NXN: variants seen among roughly 807,000 people sequenced by gnomAD.
NXN encodes nucleoredoxin 1.
A neutral mutation model predicts 48.6 loss-of-function variants in NXN; 16 were observed. The ratio of observed to expected loss-of-function variants is 0.33; its 90% CI spans 0.22 to 0.50. The LOEUF is 0.50. Ranked by LOEUF, NXN falls within the 20% of genes least tolerant of loss-of-function variation. NXN has a pLI of 0.98. For synonymous variants in NXN, 281 were observed against 269.6 expected, an observed-to-expected ratio of 1.04 and a Z score of -0.41; for missense variants, 492 against 605.5, an observed-to-expected ratio of 0.81 and a Z score of 1.97.
At chr17:955,753 T>C (rs1181805248) in intron 1 of NXN, among the ~76,000 whole-genome samples, 1 of 150,716 alleles carries the variant, frequency 6.6e-6, no homozygotes, top group Non-Finnish European at 1.5e-5. Flanking sequence ...ACAAAAAAAA[T>C]TAGCCGGGCG....
intron 1 of NXN, among the ~76,000 whole-genome samples, chr17:902,952 G>A (rs2068550587): frequency 6.6e-6 from 1 of 151,336 alleles, no homozygotes; most frequent in Non-Finnish European, 1.5e-5. Context: ...TATATTTTTA[G>A]TAGAGATGGG....
intron 1 of NXN, among the ~76,000 whole-genome samples, chr17:960,899 C>T (rs1183612886): frequency 6.6e-6 from 1 of 151,834 alleles, no homozygotes; most frequent in Non-Finnish European, 1.5e-5. Context: ...GATTCTCCTG[C>T]CTCAGCTCCT....
intron 7 of NXN, among the ~76,000 whole-genome samples, chr17:803,038 G>A (rs559223073): frequency 6.6e-6 from 1 of 152,314 alleles, no homozygotes; most frequent in African/African-American, 2.4e-5. Flanking sequence ...CTGAGTCGCG[G>A]AGACGCCCGT....
intron 1 of NXN, among the ~76,000 whole-genome samples, chr17:834,918 G>A (rs371232429): frequency 2.9e-4 from 44 of 150,334 alleles, no homozygotes; most frequent in African/African-American, 9.8e-4. Flanking sequence ...GATGACAGGC[G>A]TGAGCCACCA....
chr17:861,864 C>G (rs914090945), intron 1 of NXN, among the ~76,000 whole-genome samples: 1 of 151,416 alleles, frequency 6.6e-6, no homozygotes, highest in Non-Finnish European at 1.5e-5. Context: ...CAGTCTTGCT[C>G]TGTCGCCCAG....
At chr17:924,734 GTT>G (rs1304058838) in intron 1 of NXN, among the ~76,000 whole-genome samples, 6 of 120,808 alleles carry the variant, frequency 5.0e-5, no homozygotes, top group Non-Finnish European at 9.0e-5. Context: ...GTTCCGTTCC[GTT>G]CCCCTGCTCC....
intron 1 of NXN, among the ~76,000 whole-genome samples, chr17:931,229 G>T (rs1036669089): frequency 1.3e-5 from 2 of 151,152 alleles, no homozygotes; most frequent in Admixed American, 6.6e-5. Context: ...CGAGGCTGCA[G>T]TGAGCTGAGA....
chr17:841,404 TC>T (rs1418109226), intron 1 of NXN, among the ~76,000 whole-genome samples: 2 of 122,438 alleles, frequency 1.6e-5, no homozygotes, highest in Non-Finnish European at 3.9e-5. Flanking sequence ...GGCGAGCAGG[TC>T]CCCCCTGACC....
intron 1 of NXN, among the ~76,000 whole-genome samples, chr17:835,075 G>C (rs551727989): frequency 6.6e-6 from 1 of 151,522 alleles, no homozygotes. Flanking sequence ...TTGGGAGGCC[G>C]AGGCGGGCGG....
intron 1 of NXN, among the ~76,000 whole-genome samples, chr17:947,672 G>T (rs2069058909): frequency 6.7e-6 from 1 of 149,032 alleles, no homozygotes; most frequent in African/African-American, 2.5e-5. Context: ...GGCAGGGGTT[G>T]CAGTGAGCCG....
chr17:822,433 G>C lies in NXN; in HGVS notation c.637C>G (p.Arg213Gly). 3 of 1,614,010 alleles carry C rather than the reference G, an allele frequency of 1.9e-6. No homozygotes were observed. Among genetic ancestry groups the C allele is most frequent in the Non-Finnish European group, 2.5e-6 (3 of 1,179,966 alleles). Reference protein sequence around the residue: ...HWCPPCRSLTRVLVESYRKIK... With the variant: ...HWCPPCRSLTGVLVESYRKIK... Reference sequence around the variant, plus strand: ...TTCCGGTAGGATTCCACCAGGACCCGGGTGAGGCTTCGGCAGGGCGGACAC... The same window carrying C: ...TTCCGGTAGGATTCCACCAGGACCCCGGTGAGGCTTCGGCAGGGCGGACAC... Residue 213 changes from arginine (R) to glycine (G), a missense_variant, in exon 4 of 8, where the codon CGG becomes GGG. By Grantham distance (125) the Arg-to-Gly change is moderately radical. Transcript: ENST00000336868.
chr17:830,714 T>C lies in NXN; in HGVS notation c.361-4636A>G, dbSNP rs1913408787. Among the ~76,000 whole-genome samples, 1 of 152,026 alleles carries C rather than the reference T, an allele frequency of 6.6e-6. No homozygotes were observed. The highest frequency in any genetic ancestry group is 1.5e-5 in the Non-Finnish European group (1 of 67,980). On this transcript the variant is annotated intron_variant, in intron 1 of 7. Transcript: ENST00000336868. The surrounding 1 kb of genome is among the most constrained non-coding windows in gnomAD (Gnocchi z 4.2). ...ACCTGATTCACAGTTTAAAAGGCCA[T>C]TTGGGGCCGGGCACGATGGCTCACG...
At position 917,868 on chromosome 17, in the gene NXN, G is replaced by C. The variant is rs568191415; in HGVS notation, c.360+61451C>G. 2.0e-4 allele frequency among the ~76,000 whole-genome samples: 30 copies of C among 152,242 alleles called. No homozygotes were observed. Among genetic ancestry groups the C allele is most frequent in the African/African-American group, 7.0e-4 (29 of 41,544 alleles). On this transcript the variant is annotated intron_variant, in intron 1 of 7. Coordinates refer to ENST00000336868, the MANE Select transcript of NXN (RefSeq NM_022463.5). This position sits in a 1 kb window ranked among gnomAD's most constrained non-coding sequence, Gnocchi z 4.5. ...GGGGGACTCCCGTTCCAAACAAAGG[G>C]GACTGCGTACTGGTGAAGAAGAATG...
intron 1 of NXN, among the ~76,000 whole-genome samples, chr17:838,123 C>CTTATTTTTT (rs1196301886): frequency 1.6e-5 from 2 of 125,932 alleles, no homozygotes; most frequent in South Asian, 2.7e-4. Flanking sequence ...TTTTCCTTTC[C>CTTATTTTTT]TTCTTTTTTT....
chr17:895,460 G>A (rs973462724), intron 1 of NXN, among the ~76,000 whole-genome samples: 12 of 152,018 alleles, frequency 7.9e-5, no homozygotes, highest in African/African-American at 2.9e-4. Context: ...GCTGGGTATG[G>A]GGAGAAACAG....
At position 963,921 on chromosome 17, in the gene NXN, C is replaced by CA. The variant is rs1347606553; in HGVS notation, c.360+15397dup. On this transcript the variant is annotated intron_variant, in intron 1 of 7. Transcript: ENST00000336868. ...TGAAACCCCGTCTCTACTAAAAATA[C>CA]AAAAAATCAGCCGGGCGTGGTGGCG... Among the ~76,000 whole-genome samples the CA allele has an allele frequency of 3.4e-5, 5 of 146,938 alleles. No homozygotes were observed. In the East Asian group the frequency reaches 6.1e-4, roughly 18 times the overall value.
At chr17:896,209 G>A (rs12453933) in intron 1 of NXN, among the ~76,000 whole-genome samples, 22,072 of 151,696 alleles carry the variant, frequency 0.15, 1,866 homozygotes, top group South Asian at 0.38. Context: ...GCGTGGTGGC[G>A]CATGCCTGTA....
At chr17:884,536 G>C (rs1419501033) in intron 1 of NXN, among the ~76,000 whole-genome samples, 2 of 152,230 alleles carry the variant, frequency 1.3e-5, no homozygotes, top group African/African-American at 2.4e-5. Flanking sequence ...GCACTGTCCA[G>C]GGGAAGGACA....
intron 6 of NXN, among the ~76,000 whole-genome samples, chr17:804,581 C>T (rs780026594): frequency 3.3e-5 from 5 of 152,182 alleles, no homozygotes; most frequent in African/African-American, 1.2e-4. Flanking sequence ...CCCCCTGGCC[C>T]GGCTGGGCAG....
Sources: allele counts gnomAD v4.1 joint callset (sites outside exome capture counted in the v4.1 genomes callset), GRCh38; gene constraint gnomAD v4.1.1; non-coding constraint Gnocchi (gnomAD v3.1); transcripts MANE v1.5; gene names NCBI Gene and HGNC (gene_info 2026-07-23, HGNC 2026-07-21).